Variants in ABCB1 observed in about 807,000 individuals in gnomAD.
The protein encoded by ABCB1 is ATP-dependent translocase ABCB1.
A neutral mutation model predicts 142.0 loss-of-function variants in ABCB1; 69 were observed. The ratio of observed to expected loss-of-function variants is 0.49; its 90% CI spans 0.40 to 0.59. The LOEUF is 0.59. Ranked by LOEUF, ABCB1 falls within the 20% of genes least tolerant of loss-of-function variation. The pLI, the probability that ABCB1 is intolerant of heterozygous loss-of-function variation, is 0.00. For synonymous variants in ABCB1, 532 were observed against 539.2 expected, an observed-to-expected ratio of 0.99 and a Z score of 0.18; for missense variants, 1,326 against 1,554.7, an observed-to-expected ratio of 0.85 and a Z score of 2.47.
intron 26 of ABCB1, 58 bp from the exon 27 acceptor site, chr7:87,506,101 T>A: frequency 3.2e-6 from 5 of 1,566,908 alleles, no homozygotes; most frequent in Non-Finnish European, 4.4e-6. Context: ...TCTAACAGCT[T>A]GCTTATAGAA....
chr7:87,519,827 A>G (rs1197320495), intron 22 of ABCB1, among the ~76,000 whole-genome samples: 1 of 152,326 alleles, frequency 6.6e-6, no homozygotes, highest in African/African-American at 2.4e-5. Context: ...GTAAATATTC[A>G]TTCTGCACAC....
rs1817021073 is a variant in ABCB1, at chr7:87,550,663, A to G, written c.1113+62T>C. 3 of 1,564,470 alleles carry G rather than the reference A, an allele frequency of 1.9e-6. No individual in the cohort carries two copies. The Admixed American group carries it at 5.0e-5, about 26-fold the overall frequency. On this transcript the variant is annotated intron_variant, in intron 10 of 27. Transcript: ENST00000622132. ...TTGTGGAGAGCTGGATAAAGTGACA[A>G]AGAAATTGACTTAACTGGACAATCT...
chr7:87,701,451 T>C (rs763834007), intron 1 of ABCB1, among the ~76,000 whole-genome samples: 1 of 152,220 alleles, frequency 6.6e-6, no homozygotes, highest in Non-Finnish European at 1.5e-5. Flanking sequence ...TCAACAAATG[T>C]ATTTTTAAAT....
intron 5 of ABCB1, among the ~76,000 whole-genome samples, chr7:87,567,447 G>A (rs1249845727): frequency 6.6e-6 from 1 of 152,174 alleles, no homozygotes; most frequent in African/African-American, 2.4e-5. Context: ...GTTGATAAGT[G>A]CATTGGGTTG....
At chr7:87,516,918 T>C (rs1328409809) in intron 23 of ABCB1, among the ~76,000 whole-genome samples, 3 of 151,772 alleles carry the variant, frequency 2.0e-5, no homozygotes, top group Non-Finnish European at 4.4e-5. Flanking sequence ...TTATTTTTTG[T>C]AGAGATGGGG....
intron 1 of ABCB1, among the ~76,000 whole-genome samples, chr7:87,655,771 C>T (rs1193495640): frequency 6.6e-6 from 1 of 152,094 alleles, no homozygotes; most frequent in African/African-American, 2.4e-5. Flanking sequence ...CCCTCAAATT[C>T]ATATGCTGGA....
chr7:87,560,443 CA>C (rs1475284884), intron 8 of ABCB1, among the ~76,000 whole-genome samples: 13 of 152,084 alleles, frequency 8.5e-5, no homozygotes, highest in Non-Finnish European at 1.5e-4. Flanking sequence ...CTGCCAGAAC[CA>C]CAGAATCCCC....
intron 5 of ABCB1, among the ~76,000 whole-genome samples, chr7:87,567,902 G>C (rs1208404148): frequency 1.3e-5 from 2 of 151,906 alleles, no homozygotes; most frequent in African/African-American, 4.8e-5. Context: ...AGACCACCCT[G>C]GCCAATATGA....
chr7:87,616,065 G>A (rs1205550189), intron 1 of ABCB1, among the ~76,000 whole-genome samples: 1 of 152,038 alleles, frequency 6.6e-6, no homozygotes, highest in Admixed American at 6.5e-5. Context: ...ATACTTTAAG[G>A]TAGATTTTAA....
chr7:87,553,119 T>G (rs941106314), intron 9 of ABCB1, among the ~76,000 whole-genome samples: 7 of 152,110 alleles, frequency 4.6e-5, no homozygotes, highest in Non-Finnish European at 7.4e-5. Flanking sequence ...TTTTTGTGAA[T>G]AGTAAATCAG....
chr7:87,665,658 G>A (rs950932019), intron 1 of ABCB1, among the ~76,000 whole-genome samples: 11 of 152,028 alleles, frequency 7.2e-5, no homozygotes, highest in Non-Finnish European at 1.6e-4. Flanking sequence ...AGCATAGTAC[G>A]TGAAAGGTAG....
intron 1 of ABCB1, among the ~76,000 whole-genome samples, chr7:87,705,179 C>T (rs76187310): frequency 6.6e-6 from 1 of 152,168 alleles, no homozygotes; most frequent in South Asian, 2.1e-4. Context: ...AATCCCAACA[C>T]TTTGGGAGGC....
intron 1 of ABCB1, among the ~76,000 whole-genome samples, chr7:87,608,762 C>CG (rs1277624762): frequency 6.6e-6 from 1 of 152,100 alleles, no homozygotes; most frequent in Non-Finnish European, 1.5e-5. Flanking sequence ...AATGAGGTAA[C>CG]GTTCACTCAC....
rs201243789 is a variant in ABCB1, at chr7:87,561,367, A to G, written c.723T>C (p.Asp241=). The G allele has an allele frequency of 1.2e-6, 2 of 1,613,494 alleles. No homozygotes were observed. Among genetic ancestry groups the G allele is most frequent in the Non-Finnish European group, 1.7e-6 (2 of 1,179,544 alleles). Residue 241 remains aspartate (D), a synonymous_variant, in exon 8 of 28, where the codon GAT becomes GAC. Transcript: ENST00000622132. ...VWAKILSSFT[D]KELLAYAKAG... ...CTTTTGCATACGCTAAGAGTTCTTT[A>G]TCAGTAAATGAAGATAGTATCTGTT...
chr7:87,531,793 C>T, intron 20 of ABCB1: 1 of 354,370 alleles, frequency 2.8e-6, no homozygotes, highest in Non-Finnish European at 5.3e-6. Flanking sequence ...AAAGCAATAT[C>T]TGCAAATTAG....
intron 14 of ABCB1, among the ~76,000 whole-genome samples, chr7:87,546,417 T>C (rs1816783395): frequency 6.6e-6 from 1 of 151,840 alleles, no homozygotes; most frequent in African/African-American, 2.4e-5. Flanking sequence ...TGAAACCCCA[T>C]CTCTACTAAA....
At chr7:87,570,704 C>T (rs1209424066) in intron 4 of ABCB1, among the ~76,000 whole-genome samples, 4 of 152,132 alleles carry the variant, frequency 2.6e-5, no homozygotes, top group Non-Finnish European at 5.9e-5. Context: ...TTAGCAAATG[C>T]TAACATTTTT....
intron 1 of ABCB1, among the ~76,000 whole-genome samples, chr7:87,636,294 G>A (rs1484542568): frequency 6.6e-6 from 1 of 152,138 alleles, no homozygotes; most frequent in Admixed American, 6.5e-5. Flanking sequence ...GTGTCACATG[G>A]TGGTTTTAGT....
In ABCB1 at chr7:87,549,895, C is replaced by T; in HGVS notation, c.1510G>A (p.Val504Ile). 3 of 1,614,202 alleles carry T rather than the reference C, an allele frequency of 1.9e-6. No individual in the cohort carries two copies. The South Asian group carries it at 3.3e-5, about 18-fold the overall frequency. The change falls in exon 13 of 28, where the codon GTC (valine) becomes ATC (isoleucine). Residue 504 changes from valine (V) to isoleucine (I), a missense_variant. Val to Ile is a conservative substitution (Grantham distance 29). Transcript: ENST00000622132. ...AAGTCATAGGCATTGGCTTCCTTGA[C>T]AGCTTTCTCAATCTCATCCATGGTG... The part of the protein sequence containing the change: ...NVTMDEIEKA[V>I]KEANAYDFIM...
Sources: gnomAD v4.1 joint callset for allele counts (sites outside exome capture counted in the v4.1 genomes callset) on GRCh38, gnomAD v4.1.1 for gene constraint, MANE v1.5 for transcripts, NCBI Gene and HGNC (gene_info 2026-07-23, HGNC 2026-07-21) for gene names.